Variants in KPNA1 observed in about 807,000 individuals in gnomAD.
KPNA1 encodes the protein karyopherin subunit alpha 1.
Under a neutral mutation model 70.5 loss-of-function variants are expected in KPNA1, and 10 were observed. The ratio of observed to expected loss-of-function variants is 0.14; its 90% CI spans 0.09 to 0.24. The LOEUF (loss-of-function observed/expected upper bound fraction) is 0.24, where lower values mean the gene tolerates loss of function less well. Among genes scored for constraint, KPNA1 ranks in the 10% least tolerant of loss-of-function variants. The probability of loss-of-function intolerance (pLI) is 1.00; values close to 1 mark genes in which losing one functional copy is unlikely to be tolerated. For synonymous variants in KPNA1, 192 were observed against 221.9 expected (o/e 0.87, Z 1.20); for missense variants, 397 against 637.9 (o/e 0.62, Z 4.07).
chr3:122,504,339 A>C (rs2076864895), intron 1 of KPNA1, among the ~76,000 whole-genome samples: 1 of 152,326 alleles, frequency 6.6e-6, no homozygotes, highest in Admixed American at 6.5e-5. Flanking sequence ...GAAGGGGCTA[A>C]GGAGCTCTCT....
intron 2 of KPNA1, among the ~76,000 whole-genome samples, chr3:122,468,989 G>T (rs1425779788): frequency 6.6e-6 from 1 of 152,100 alleles, no homozygotes; most frequent in Non-Finnish European, 1.5e-5. Flanking sequence ...ACATGGAATG[G>T]AACTATCAGG....
At chr3:122,464,115 C>T in intron 3 of KPNA1, 74 bp from the exon 4 acceptor site, 2 of 721,648 alleles carry the variant, frequency 2.8e-6, no homozygotes, top group Admixed American at 2.7e-5. Context: ...TAACAGATAT[C>T]ATGGCCAAGT....
intron 2 of KPNA1, among the ~76,000 whole-genome samples, chr3:122,474,507 A>G (rs1479166251): frequency 2.6e-5 from 4 of 152,202 alleles, no homozygotes; most frequent in Non-Finnish European, 5.9e-5. Flanking sequence ...CAGAATAGAG[A>G]GCCCAGAAAT....
At chr3:122,470,868 A>G (rs1433204685) in intron 2 of KPNA1, among the ~76,000 whole-genome samples, 3 of 152,320 alleles carry the variant, frequency 2.0e-5, no homozygotes, top group South Asian at 2.1e-4. Context: ...TAACAAATAG[A>G]AATCAGTAAC....
chr3:122,449,483 C>A, intron 9 of KPNA1, 91 bp downstream of exon 9: 1 of 1,010,860 alleles, frequency 9.9e-7, no homozygotes. Context: ...AATCAATTAT[C>A]ATGTACAATC....
intron 2 of KPNA1, among the ~76,000 whole-genome samples, chr3:122,481,529 G>T (rs955546326): frequency 6.6e-6 from 1 of 152,216 alleles, no homozygotes; most frequent in Non-Finnish European, 1.5e-5. Flanking sequence ...GGGAGCAGAG[G>T]GAATGGAGAG....
chr3:122,490,249 CT>C (rs1455933738), intron 2 of KPNA1, among the ~76,000 whole-genome samples: 46 of 152,262 alleles, frequency 3.0e-4, no homozygotes, highest in African/African-American at 1.1e-3. Context: ...ACTCTGAGCT[CT>C]GCCTCAAGGC....
intron 9 of KPNA1, chr3:122,443,213 C>T (rs2076089190): frequency 6.6e-6 from 1 of 152,398 alleles, no homozygotes; most frequent in South Asian, 2.1e-4. Context: ...AGCGCAGCAG[C>T]TGGAGATCGA....
chr3:122,429,096 C>A (rs779838295), intron 12 of KPNA1, among the ~76,000 whole-genome samples: 2 of 152,098 alleles, frequency 1.3e-5, no homozygotes, highest in Non-Finnish European at 1.5e-5. Flanking sequence ...AATCAACTTA[C>A]GATCATTTCA....
intron 12 of KPNA1, among the ~76,000 whole-genome samples, chr3:122,428,394 T>C (rs1026780006): frequency 2.1e-4 from 32 of 152,352 alleles, no homozygotes; most frequent in African/African-American, 7.7e-4. Context: ...GGTAAGGTCA[T>C]TTTGAAACTT....
chr3:122,470,190 T>C (rs914887787), intron 2 of KPNA1, among the ~76,000 whole-genome samples: 22 of 152,196 alleles, frequency 1.4e-4, no homozygotes, highest in African/African-American at 4.6e-4. Flanking sequence ...AATGTGTATA[T>C]ACATAAGATT....
chr3:122,463,350 A>C (rs1280388511), intron 4 of KPNA1, among the ~76,000 whole-genome samples: 1 of 36,586 alleles, frequency 2.7e-5, no homozygotes, highest in Non-Finnish European at 8.0e-5. Flanking sequence ...TCCATCTCAA[A>C]AAAAAAAAAA....
chr3:122,477,184 C>T lies in KPNA1; in HGVS notation c.130-9755G>A, dbSNP rs866534603. Among the ~76,000 whole-genome samples, 6 of 152,212 alleles carry T rather than the reference C, an allele frequency of 3.9e-5. No individual in the cohort carries two copies. The South Asian group carries it at 1.0e-3, about 26-fold the overall frequency. ...CAATAAGACAGATACAGAAAGACCA[C>T]ATAAGCATCTCACTTTTATGTGGAA... is the stretch of plus-strand genomic sequence containing the variant. On this transcript the variant is annotated intron_variant, in intron 2 of 13. Transcript: ENST00000344337.
chr3:122,499,736 G>A (rs1162558144), intron 1 of KPNA1, among the ~76,000 whole-genome samples: 4 of 150,910 alleles, frequency 2.7e-5, no homozygotes, highest in African/African-American at 9.8e-5. Context: ...TCCAGCCTGG[G>A]TGACAGTGAA....
At chr3:122,433,592 G>T in intron 12 of KPNA1, 69 bp downstream of exon 12, 1 of 1,297,506 alleles carries the variant, frequency 7.7e-7, no homozygotes, top group Non-Finnish European at 1.0e-6. Flanking sequence ...ATATGTGGGA[G>T]GTTATAAAGT....
At chr3:122,508,952 A>G (rs982865934) in intron 1 of KPNA1, among the ~76,000 whole-genome samples, 1 of 152,194 alleles carries the variant, frequency 6.6e-6, no homozygotes, top group Non-Finnish European at 1.5e-5. Flanking sequence ...ATACTATAAA[A>G]TAAGAATGAG....
intron 9 of KPNA1, among the ~76,000 whole-genome samples, chr3:122,446,751 A>T (rs2076144317): frequency 6.6e-6 from 1 of 152,220 alleles, no homozygotes; most frequent in South Asian, 2.1e-4. Flanking sequence ...TTTTGAAAAG[A>T]TCAACAAAAT....
intron 2 of KPNA1, among the ~76,000 whole-genome samples, chr3:122,494,066 T>C (rs1274826346): frequency 1.3e-5 from 2 of 152,152 alleles, no homozygotes; most frequent in South Asian, 4.1e-4. Context: ...CTTTGTCAGA[T>C]AGTGTTAACA....
intron 1 of KPNA1, among the ~76,000 whole-genome samples, chr3:122,514,112 G>A (rs2076987326): frequency 6.6e-6 from 1 of 152,116 alleles, no homozygotes; most frequent in Non-Finnish European, 1.5e-5. Flanking sequence ...CACACGCGGC[G>A]TGCAGACCAA....
Sources: gnomAD v4.1 joint callset for allele counts (sites outside exome capture counted in the v4.1 genomes callset) on GRCh38, gnomAD v4.1.1 for gene constraint, MANE v1.5 for transcripts, NCBI Gene and HGNC (gene_info 2026-07-23, HGNC 2026-07-21) for gene names.